The following DLD variants were observed in gnomAD, a reference collection of about 807,000 sequenced individuals.
DLD encodes the protein dihydrolipoamide dehydrogenase, also known as dihydrolipoyl dehydrogenase, mitochondrial.
Under a neutral mutation model 62.2 loss-of-function variants are expected in DLD, and 36 were observed. The ratio of observed to expected loss-of-function variants is 0.58; its 90% confidence interval spans 0.44 to 0.76. The LOEUF (loss-of-function observed/expected upper bound fraction) is 0.76, where lower values mean the gene tolerates loss of function less well. Among genes scored for constraint, DLD ranks in the 30% least tolerant of loss-of-function variants. The probability of loss-of-function intolerance (pLI) is 0.00; values close to 1 mark genes in which losing one functional copy is unlikely to be tolerated. For synonymous variants in DLD, 204 were observed against 199.6 expected (o/e 1.02, Z -0.19); for missense variants, 541 against 608.6 (o/e 0.89, Z 1.17).
intron 7 of DLD, chr7:107,905,806 A>T: frequency 2.5e-6 from 1 of 403,668 alleles, no homozygotes; most frequent in East Asian, 5.3e-5. Context: ...TTAGGTATAT[A>T]GATACCTCAA....
intron 9 of DLD, 54 bp downstream of exon 9, chr7:107,915,750 C>T: frequency 6.6e-7 from 1 of 1,515,810 alleles, no homozygotes; most frequent in Non-Finnish European, 9.1e-7. Context: ...TTAAGCAAAA[C>T]ACTCAAGTTT....
chr7:107,896,834 TTTTG>T (rs914017786), intron 2 of DLD, among the ~76,000 whole-genome samples: 8 of 150,486 alleles, frequency 5.3e-5, no homozygotes, highest in East Asian at 3.9e-4. Flanking sequence ...CTGGTTTTGT[TTTTG>T]TTTGTTTTTT....
chr7:107,899,600 A>C (rs914651108), intron 2 of DLD, among the ~76,000 whole-genome samples: 5 of 152,184 alleles, frequency 3.3e-5, no homozygotes, highest in Middle Eastern at 3.4e-3. Context: ...TATTTAATTC[A>C]GTTTTATTGT....
At chr7:107,907,059 T>G (rs2032026399) in intron 8 of DLD, among the ~76,000 whole-genome samples, 1 of 152,210 alleles carries the variant, frequency 6.6e-6, no homozygotes, top group African/African-American at 2.4e-5. Context: ...TAGATCTACT[T>G]TTTTGCAATC....
chr7:107,901,680 C>T (rs2031879438), intron 2 of DLD, 58 bp from the exon 3 acceptor site: 20 of 1,405,816 alleles, frequency 1.4e-5, no homozygotes, highest in Non-Finnish European at 2.0e-5. Flanking sequence ...TTCCAAAGAG[C>T]TCTTTTTGGT....
At chr7:107,903,241 A>G (rs1333719164) in intron 4 of DLD, among the ~76,000 whole-genome samples, 2 of 152,198 alleles carry the variant, frequency 1.3e-5, no homozygotes, top group Admixed American at 6.5e-5. Context: ...TCTACTAAAA[A>G]TACAAAATTA....
chr7:107,903,126 C>T (rs1210785435), intron 4 of DLD, among the ~76,000 whole-genome samples: 2 of 152,094 alleles, frequency 1.3e-5, no homozygotes, highest in African/African-American at 2.4e-5. Flanking sequence ...CGGCCGGGCG[C>T]GGTGGCTCAC....
At chr7:107,893,838 G>T (rs2031651679) in intron 2 of DLD, among the ~76,000 whole-genome samples, 1 of 152,108 alleles carries the variant, frequency 6.6e-6, no homozygotes, top group South Asian at 2.1e-4. Context: ...CTAGTAGTTT[G>T]GATTATACTC....
intron 2 of DLD, among the ~76,000 whole-genome samples, chr7:107,893,733 A>G (rs1041065976): frequency 6.6e-6 from 1 of 152,072 alleles, no homozygotes; most frequent in East Asian, 1.9e-4. Context: ...TTAAGGAGTA[A>G]TAAGAAGGCT....
chr7:107,915,647 A>T lies in DLD; in HGVS notation c.826A>T (p.Thr276Ser), dbSNP rs148873419. The change falls in exon 9 of 14, where the codon ACA becomes TCA. Residue 276 changes from threonine to serine, a missense_variant. Physicochemically the swap from Thr to Ser is moderately conservative, Grantham distance 58. Transcript: ENST00000205402. ...ACAGGGGTTTAAATTTAAATTGAAT[A>T]CAAAGGTTACTGGTGCTACCAAGAA... ...QKQGFKFKLN[T>S]KVTGATKKSD... 473 of 1,613,838 alleles carry T rather than the reference A, an allele frequency of 2.9e-4. 3 individuals are homozygous for T. In the African/African-American group the frequency reaches 5.4e-3, roughly 19 times the overall value.
intron 8 of DLD, among the ~76,000 whole-genome samples, chr7:107,911,314 C>G (rs6466206): frequency 0.36 from 55,453 of 152,030 alleles, 10,382 homozygotes; most frequent in Non-Finnish European, 0.41. Flanking sequence ...TAGCATGTAT[C>G]TATACTTCAT....
chr7:107,901,431 T>G (rs1356834087), intron 2 of DLD, among the ~76,000 whole-genome samples: 1 of 152,150 alleles, frequency 6.6e-6, no homozygotes, highest in Non-Finnish European at 1.5e-5. Flanking sequence ...ATTCCGTCAG[T>G]TATTAAATCA....
At chr7:107,915,914 CCTT>C (rs1339892159) in intron 9 of DLD, among the ~76,000 whole-genome samples, 3 of 151,932 alleles carry the variant, frequency 2.0e-5, no homozygotes, top group Admixed American at 6.6e-5. Context: ...CATTGTTGTG[CCTT>C]CTTATAGTAC....
intron 1 of DLD, among the ~76,000 whole-genome samples, chr7:107,892,432 C>T (rs1261086887): frequency 6.6e-6 from 1 of 152,096 alleles, no homozygotes; most frequent in Non-Finnish European, 1.5e-5. Flanking sequence ...TAAATACGGA[C>T]TGTATATACA....
intron 2 of DLD, among the ~76,000 whole-genome samples, chr7:107,900,373 G>T (rs987930344): frequency 1.4e-4 from 21 of 152,172 alleles, no homozygotes; most frequent in Admixed American, 1.0e-3. Flanking sequence ...TAGCTACTAT[G>T]TATAGAATAC....
intron 2 of DLD, 105 bp downstream of exon 2, chr7:107,893,383 TA>T (rs1263371048): frequency 5.4e-5 from 45 of 833,252 alleles, no homozygotes; most frequent in Non-Finnish European, 8.5e-5. Flanking sequence ...TTAAGTGTCT[TA>T]TAGTTCATTT....
Position 107,891,493 on chromosome 7 carries a change from G to C in DLD, c.39+204G>C, listed in dbSNP as rs1195180900. On this transcript the variant is annotated intron_variant, in intron 1 of 13. Coordinates refer to ENST00000205402, the MANE Select transcript of DLD (RefSeq NM_000108.5). ...CCTGCAGCAGGCGAGGGACGGGGCT[G>C]GGCCCAGGCTGTGGCGAGTCCTTTC... 21 of 639,956 alleles carry C rather than the reference G, an allele frequency of 3.3e-5. No homozygotes were observed. The Admixed American group carries it at 5.6e-4, about 17-fold the overall frequency. 39.6% of individuals were successfully genotyped at this position (639,956 alleles called of 1,614,324 possible).
chr7:107,904,239 A>T (rs2031948671), intron 5 of DLD, among the ~76,000 whole-genome samples: 2 of 152,238 alleles, frequency 1.3e-5, no homozygotes. Context: ...ATATCATACT[A>T]GTTGAAAAAT....
intron 10 of DLD, 107 bp from the exon 11 acceptor site, chr7:107,917,166 A>AT: frequency 7.4e-7 from 1 of 1,347,888 alleles, no homozygotes; most frequent in Non-Finnish European, 1.0e-6. Context: ...CATTTGATGT[A>AT]TTTTTTGGTG....
Sources: gnomAD v4.1 joint callset for allele counts (sites outside exome capture counted in the v4.1 genomes callset) on GRCh38, gnomAD v4.1.1 for gene constraint, MANE v1.5 for transcripts, NCBI Gene and HGNC (gene_info 2026-07-23, HGNC 2026-07-21) for gene names.